SHB: variants seen among roughly 807,000 people sequenced by gnomAD.
SHB encodes SH2 domain-containing adapter protein B.
A neutral mutation model predicts 52.3 loss-of-function variants in SHB; 20 were observed. That is an observed-to-expected ratio of 0.38 (90% CI 0.27 to 0.56). SHB has a LOEUF of 0.56. Among genes scored for constraint, SHB ranks in the 20% least tolerant of loss-of-function variants. SHB has a pLI of 0.71. For synonymous variants in SHB, 397 were observed against 316.5 expected (o/e 1.25, Z -2.70); for missense variants, 825 against 723.3 (o/e 1.14, Z -1.61).
intron 2 of SHB, among the ~76,000 whole-genome samples, chr9:37,998,757 A>G (rs4878730): frequency 0.43 from 64,929 of 152,158 alleles, 14,258 homozygotes; most frequent in Middle Eastern, 0.51. Context: ...CTGTCCTCGA[A>G]ATCCTATTTT....
At chr9:37,972,979 ACT>A (rs1395822237) in intron 3 of SHB, among the ~76,000 whole-genome samples, 1 of 152,226 alleles carries the variant, frequency 6.6e-6, no homozygotes, top group African/African-American at 2.4e-5. Flanking sequence ...AATGTCACTC[ACT>A]GTCTCTCTTT....
At chr9:38,039,633 GAAC>G in intron 1 of SHB, among the ~76,000 whole-genome samples, 1 of 152,334 alleles carries the variant, frequency 6.6e-6, no homozygotes, top group South Asian at 2.1e-4. Context: ...CCTACTTCCT[GAAC>G]AACCTCTTTA....
intron 1 of SHB, among the ~76,000 whole-genome samples, chr9:38,061,034 C>G (rs549092188): frequency 3.3e-5 from 5 of 152,130 alleles, no homozygotes. Flanking sequence ...CTTTGTCCTG[C>G]GGAAAATGCA....
chr9:38,030,706 T>C (rs1166028358), intron 1 of SHB, among the ~76,000 whole-genome samples: 1 of 152,176 alleles, frequency 6.6e-6, no homozygotes, highest in Non-Finnish European at 1.5e-5. Flanking sequence ...CCTCACATTC[T>C]TATTTTTTGT....
intron 5 of SHB, among the ~76,000 whole-genome samples, chr9:37,943,922 T>C (rs754116364): frequency 2.0e-5 from 3 of 152,242 alleles, no homozygotes; most frequent in Non-Finnish European, 4.4e-5. Context: ...ATGAGATTTT[T>C]TTCAAGGCTT....
intron 1 of SHB, among the ~76,000 whole-genome samples, chr9:38,036,650 T>A (rs1354702140): frequency 6.6e-6 from 1 of 152,204 alleles, no homozygotes; most frequent in Non-Finnish European, 1.5e-5. Context: ...CTAGTGGAGA[T>A]AACTGGAGAG....
At chr9:37,957,286 C>T (rs1030562891) in intron 3 of SHB, among the ~76,000 whole-genome samples, 3 of 152,210 alleles carry the variant, frequency 2.0e-5, no homozygotes, top group Admixed American at 6.5e-5. Context: ...CCTCCAAGCC[C>T]GGCCAGACAC....
chr9:37,965,451 C>T (rs1447311275), intron 3 of SHB, among the ~76,000 whole-genome samples: 1 of 152,192 alleles, frequency 6.6e-6, no homozygotes, highest in East Asian at 1.9e-4. Flanking sequence ...GACAGGTATA[C>T]AGCATGCAAG....
chr9:37,946,867 G>A (rs1474649914), intron 5 of SHB, among the ~76,000 whole-genome samples: 1 of 152,156 alleles, frequency 6.6e-6, no homozygotes, highest in Non-Finnish European at 1.5e-5. Context: ...AGGGTCCCTG[G>A]AGCACTGAGG....
At chr9:37,922,882 G>A (rs1435892436) in intron 5 of SHB, among the ~76,000 whole-genome samples, 1 of 152,138 alleles carries the variant, frequency 6.6e-6, no homozygotes, top group African/African-American at 2.4e-5. Context: ...CCTAGATCCT[G>A]GATTCCACAT....
chr9:37,965,232 C>T (rs900637372), intron 3 of SHB, among the ~76,000 whole-genome samples: 1 of 152,214 alleles, frequency 6.6e-6, no homozygotes, highest in Non-Finnish European at 1.5e-5. Flanking sequence ...AAGCCAGGTA[C>T]TGGCCACAAA....
chr9:38,025,554 G>T (rs571780326), intron 1 of SHB, among the ~76,000 whole-genome samples: 7 of 152,232 alleles, frequency 4.6e-5, no homozygotes, highest in Admixed American at 4.6e-4. Flanking sequence ...AAGGCTGGAA[G>T]GGTAAGGGGA....
chr9:38,038,658 G>A lies in SHB; in HGVS notation c.718-22527C>T, dbSNP rs149557362. On this transcript the variant is annotated intron_variant, in intron 1 of 5. Transcript: ENST00000377707. ...CTGCCTGACTCCCAGACTCCTTCCT[G>A]CCCCAGCCCAGTGCCTCCTTCCCCA... Among the ~76,000 whole-genome samples, 11 of 152,332 alleles carry A rather than the reference G, an allele frequency of 7.2e-5. No individual in the cohort carries two copies. The East Asian group carries it at 2.1e-3, about 29-fold the overall frequency.
intron 5 of SHB, among the ~76,000 whole-genome samples, chr9:37,936,945 T>C (rs890767725): frequency 1.4e-4 from 21 of 152,204 alleles, no homozygotes; most frequent in African/African-American, 4.8e-4. Context: ...CCTTGTTGCT[T>C]AAATGTCCTG....
chr9:37,937,736 C>T (rs1036977652), intron 5 of SHB, among the ~76,000 whole-genome samples: 1 of 152,242 alleles, frequency 6.6e-6, no homozygotes, highest in Non-Finnish European at 1.5e-5. Flanking sequence ...ATAAATCTGC[C>T]TCAAGGACTG....
chr9:38,022,881 C>A (rs1793382647), intron 1 of SHB, among the ~76,000 whole-genome samples: 1 of 152,194 alleles, frequency 6.6e-6, no homozygotes, highest in Non-Finnish European at 1.5e-5. Flanking sequence ...GGAGCTCCTG[C>A]TGCGTGGGGT....
chr9:38,040,569 G>A (rs777899753), intron 1 of SHB, among the ~76,000 whole-genome samples: 3 of 152,160 alleles, frequency 2.0e-5, no homozygotes, highest in Non-Finnish European at 2.9e-5. Context: ...GCGAGTGGGC[G>A]GGCAGGCAGA....
chr9:38,010,658 G>A (rs1821128724), intron 2 of SHB, among the ~76,000 whole-genome samples: 1 of 152,168 alleles, frequency 6.6e-6, no homozygotes, highest in Non-Finnish European at 1.5e-5. Flanking sequence ...AACTCCTGGA[G>A]AGCCACATGC....
chr9:38,010,170 TATTCTCCTCTGTAAA>T (rs1821121370), intron 2 of SHB, among the ~76,000 whole-genome samples: 2 of 152,308 alleles, frequency 1.3e-5, no homozygotes, highest in Non-Finnish European at 2.9e-5. Context: ...TGAGGCTCAG[TATTCTCCTCTGTAAA>T]ATGGGGATGA....
Sources: gnomAD v4.1 joint callset for allele counts (sites outside exome capture counted in the v4.1 genomes callset) on GRCh38, gnomAD v4.1.1 for gene constraint, MANE v1.5 for transcripts, NCBI Gene and HGNC (gene_info 2026-07-23, HGNC 2026-07-21) for gene names.